Variants in DCTN1 observed in about 807,000 individuals in gnomAD.
DCTN1 encodes the protein dynactin subunit 1, also known as 150 kDa dynein-associated polypeptide.
In DCTN1, 61 loss-of-function variants were observed where a neutral mutation model predicts 161.2. That is an observed-to-expected ratio of 0.38 (90% CI 0.31 to 0.47). The LOEUF (loss-of-function observed/expected upper bound fraction) is 0.47. Among genes scored for constraint, DCTN1 ranks in the 20% least tolerant of loss-of-function variants. The pLI, the probability that DCTN1 is intolerant of heterozygous loss-of-function variation, is 0.99. For synonymous variants in DCTN1, 653 were observed against 632.4 expected, an observed-to-expected ratio of 1.03 and a Z score of -0.49; for missense variants, 1,404 against 1,623.7, an observed-to-expected ratio of 0.86 and a Z score of 2.33.
intron 6 of DCTN1, among the ~76,000 whole-genome samples, chr2:74,373,750 T>C (rs780181431): frequency 4.6e-5 from 7 of 152,244 alleles, no homozygotes; most frequent in Non-Finnish European, 8.8e-5. Flanking sequence ...AGTATCTCAC[T>C]GCTCTAGCCA....
intron 5 of DCTN1, among the ~76,000 whole-genome samples, chr2:74,375,464 G>A (rs778589993): frequency 2.6e-5 from 4 of 152,204 alleles, no homozygotes; most frequent in Admixed American, 1.3e-4. Context: ...ACTTTCCAAC[G>A]TGAGTGCAGA....
At position 74,370,513 on chromosome 2, in the gene DCTN1, G is replaced by C. The variant is rs778219966; in HGVS notation, c.1080C>G (p.Leu360=). ...GGGCATTCTGCTCCTCAAGCTGCTTGAGCTGATAACTGGATGCAGCGCCAT... is the reference window on the plus strand; with the variant it reads ...GGGCATTCTGCTCCTCAAGCTGCTTCAGCTGATAACTGGATGCAGCGCCAT... ...GSDGAASSYQ[L]KQLEEQNARL... Residue 360 remains leucine, a synonymous_variant, in exon 11 of 32, where the codon CTC becomes CTG. Transcript: ENST00000628224. This position sits in a 1 kb window ranked among gnomAD's most constrained non-coding sequence, Gnocchi z 4.4. 2 of 1,614,166 alleles carry C rather than the reference G, an allele frequency of 1.2e-6. No individual in the cohort carries two copies. The highest frequency in any genetic ancestry group is 2.2e-5 in the South Asian group (2 of 91,072).
Position 74,370,688 on chromosome 2 carries a change from T to C in DCTN1, c.981A>G (p.Ala327=). The C allele has an allele frequency of 3.1e-6, 5 of 1,614,204 alleles. No homozygotes were observed. Among genetic ancestry groups the C allele is most frequent in the Non-Finnish European group, 4.2e-6 (5 of 1,180,040 alleles). ...TGAGCTCGTCCACCCGCTCCTTCAG[T>C]GCCTCCACCTCCTGCTGCAGGGACT... The part of the protein sequence containing the change: ...RAESLQQEVE[A]LKERVDELTT... The change falls in exon 10 of 32, where the codon GCA becomes GCG. Residue 327 remains alanine (A), a synonymous_variant. Coordinates refer to ENST00000628224, the MANE Select transcript of DCTN1 (RefSeq NM_004082.5). The surrounding 1 kb of genome is among the most constrained non-coding windows in gnomAD (Gnocchi z 4.4).
intron 4 of DCTN1, among the ~76,000 whole-genome samples, chr2:74,377,119 T>C (rs921376753): frequency 6.6e-6 from 1 of 152,226 alleles, no homozygotes; most frequent in Non-Finnish European, 1.5e-5. Context: ...CCTTTAGATG[T>C]TGGCATCTTT....
intron 1 of DCTN1, chr2:74,391,754 GC>G (rs1031624459): frequency 3.5e-5 from 16 of 452,802 alleles, no homozygotes; most frequent in Non-Finnish European, 6.2e-5. Context: ...CACGTAGGGG[GC>G]CGGCGGAGCA....
Position 74,367,999 on chromosome 2 carries a change from G to A in DCTN1, c.1987C>T (p.Leu663=). 6.2e-7 allele frequency: 1 copy of A among 1,614,250 alleles called. No homozygotes were observed. Among genetic ancestry groups the A allele is most frequent in the Non-Finnish European group, 8.5e-7 (1 of 1,180,048 alleles). Residue 663 remains leucine (L), a synonymous_variant, in exon 17 of 32, where the codon CTG becomes TTG. Coordinates refer to ENST00000628224, the MANE Select transcript of DCTN1 (RefSeq NM_004082.5). ...TCATAGCGGTGTAGCGTGGCCTGCA[G>A]CAGGCTCAGCGAGTACACCAGTCCA... The part of the protein sequence containing the change: ...AAGLVYSLSL[L]QATLHRYEHA...
chr2:74,365,923 A>T lies in DCTN1; in HGVS notation c.2856T>A (p.Ile952=). 1 of 1,614,202 alleles carries T rather than the reference A, an allele frequency of 6.2e-7. No homozygotes were observed. The highest frequency in any genetic ancestry group is 2.2e-5 in the East Asian group (1 of 44,880). ...GLKLEDRETV[I]KELKKSLKIK... The stretch of plus-strand genomic sequence containing the variant: ...TCTTGAGTGACTTCTTCAACTCCTT[A>T]ATAACTGTCTCTCGATCTTCGAGCT... The change falls in exon 24 of 32, where the codon ATT becomes ATA. Residue 952 remains isoleucine, a synonymous_variant. Transcript: ENST00000628224.
Position 74,380,045 on chromosome 2 carries a change from A to G in DCTN1, c.-8T>C. Reference sequence around the variant, plus strand: ...CCTCTTGCTCTGTGCCATGTTGCTCACCCGGCCTCTACCCCCTCCCCCAGC... The same window carrying G: ...CCTCTTGCTCTGTGCCATGTTGCTCGCCCGGCCTCTACCCCCTCCCCCAGC... On this transcript the variant is annotated 5_prime_UTR_variant, in exon 1 of 32. Transcript: ENST00000628224. The G allele has an allele frequency of 6.2e-7, 1 of 1,613,942 alleles. No homozygotes were observed. The highest frequency in any genetic ancestry group is 8.5e-7 in the Non-Finnish European group (1 of 1,179,998).
chr2:74,383,977 T>C (rs1405472174), upstream of DCTN1, among the ~76,000 whole-genome samples: 1 of 152,196 alleles, frequency 6.6e-6, no homozygotes, highest in Non-Finnish European at 1.5e-5. Context: ...GGAACTCAAA[T>C]GCTGCAAGGA....
intron 25 of DCTN1, 136 bp downstream of exon 25, chr2:74,365,379 C>T: frequency 1.3e-6 from 2 of 1,550,376 alleles, no homozygotes; most frequent in South Asian, 2.3e-5. Context: ...TGGGGTGATG[C>T]AATGGGGTTG....
At chr2:74,382,098 C>T (rs542658778), upstream of DCTN1, among the ~76,000 whole-genome samples, 8 of 152,290 alleles carry the variant, frequency 5.3e-5, no homozygotes, top group Non-Finnish European at 1.2e-4. Context: ...CATATCTAGG[C>T]TTCCAAGGCC....
chr2:74,383,065 G>A (rs892794576), upstream of DCTN1, among the ~76,000 whole-genome samples: 3 of 149,638 alleles, frequency 2.0e-5, no homozygotes, highest in African/African-American at 7.4e-5. Context: ...CTGGGCGACA[G>A]AGCGAGACTC....
chr2:74,381,272 T>C (rs1332333629), upstream of DCTN1, among the ~76,000 whole-genome samples: 1 of 152,190 alleles, frequency 6.6e-6, no homozygotes, highest in Non-Finnish European at 1.5e-5. Flanking sequence ...GGGTCTGACC[T>C]ATGGCTCCAC....
At chr2:74,391,431 G>A in intron 1 of DCTN1, 1 of 254,612 alleles carries the variant, frequency 3.9e-6, no homozygotes. Context: ...AGTCCTTTAC[G>A]ATTTTTCTCC....
At chr2:74,391,829 C>G (rs933628703) in exon 1 of DCTN1, 1 of 453,822 alleles carries the variant, frequency 2.2e-6, no homozygotes, top group African/African-American at 2.0e-5. Flanking sequence ...AGCTCCGACC[C>G]CACCGACGAC....
chr2:74,372,415 G>T lies in DCTN1; in HGVS notation c.453+513C>A, dbSNP rs1351405879. ...CATGCCCCTGTGGGGCAGGGGAGAA[G>T]GTGGGCAGAGGAGCTGACCTGAAGT... On this transcript the variant is annotated intron_variant, in intron 7 of 31. Coordinates refer to ENST00000628224, the MANE Select transcript of DCTN1 (RefSeq NM_004082.5). Among the ~76,000 whole-genome samples, 3 of 152,240 alleles carry T rather than the reference G, an allele frequency of 2.0e-5. No homozygotes were observed. The East Asian group carries it at 5.8e-4, about 29-fold the overall frequency.
chr2:74,362,288 C>A, intron 30 of DCTN1, 147 bp from the exon 31 acceptor site: 1 of 706,512 alleles, frequency 1.4e-6, no homozygotes, highest in South Asian at 1.6e-5. Flanking sequence ...ATCTCCAACC[C>A]CATCCCCACA....
At position 74,363,330 on chromosome 2, in the gene DCTN1, G is replaced by A. The variant is rs756911555; in HGVS notation, c.3309C>T (p.His1103=). The A allele has an allele frequency of 7.4e-6, 12 of 1,613,496 alleles. No individual in the cohort carries two copies. The highest frequency in any genetic ancestry group is 1.3e-5 in the African/African-American group (1 of 74,914). ...LLQQISAMRL[H]ISQLQHENSI... is the part of the protein sequence containing the mutation. Reference sequence around the variant, plus strand: ...TGTTCTCATGCTGGAGCTGGGAGATGTGCAGCCTCATGGCAGAGATCTGCT... The same window carrying A: ...TGTTCTCATGCTGGAGCTGGGAGATATGCAGCCTCATGGCAGAGATCTGCT... Residue 1103 remains histidine (H), a synonymous_variant, in exon 28 of 32, where the codon CAC becomes CAT. Coordinates refer to ENST00000628224, the MANE Select transcript of DCTN1 (RefSeq NM_004082.5).
In DCTN1 at chr2:74,378,158, G is replaced by A. The variant is rs2103723456; in HGVS notation, c.121C>T (p.Arg41Ter). Residue 41 changes from arginine (R) to a stop codon, truncating the protein, a stop_gained, in exon 2 of 32, where the codon CGA (arginine) becomes TGA (stop). Coordinates refer to ENST00000628224, the MANE Select transcript of DCTN1 (RefSeq NM_004082.5). LOFTEE classifies it high-confidence loss of function. The stretch of plus-strand genomic sequence containing the variant: ...GCTCCAACATAGGCCACAGTGCCTC[G>A]GTGGCCTTTTCCAATCACCTCTACA... The part of the protein sequence containing the change: ...SRVEVIGKGH[R>*]GTVAYVGATL... 6.2e-7 allele frequency: 1 copy of A among 1,614,140 alleles called. No individual in the cohort carries two copies. Among genetic ancestry groups the A allele is most frequent in the Non-Finnish European group, 8.5e-7 (1 of 1,180,032 alleles).
Sources: allele counts gnomAD v4.1 joint callset (sites outside exome capture counted in the v4.1 genomes callset), GRCh38; gene constraint gnomAD v4.1.1; non-coding constraint Gnocchi (gnomAD v3.1); transcripts MANE v1.5; gene names NCBI Gene and HGNC (gene_info 2026-07-23, HGNC 2026-07-21).